PRKDC: variants seen among roughly 807,000 people sequenced by gnomAD.
The protein encoded by PRKDC is protein kinase, DNA-activated, catalytic subunit, also known as DNA-dependent protein kinase catalytic subunit.
Under a neutral mutation model 486.9 loss-of-function variants are expected in PRKDC, and 82 were observed. The observed-to-expected ratio is 0.17, with a 90% CI of 0.14 to 0.20. PRKDC has a LOEUF of 0.20. Ranked by LOEUF, PRKDC falls within the 10% of genes least tolerant of loss-of-function variation. The probability of loss-of-function intolerance (pLI) is 1.00; values close to 1 mark genes in which losing one functional copy is unlikely to be tolerated. For missense variants in PRKDC, 4,504 were observed against 5,038.2 expected, an observed-to-expected ratio of 0.89 and a Z score of 3.21; for synonymous variants, 1,895 against 1,837.0, an observed-to-expected ratio of 1.03 and a Z score of -0.81.
intron 30 of PRKDC, among the ~76,000 whole-genome samples, chr8:47,894,704 T>C (rs1055802030): frequency 6.6e-6 from 1 of 152,194 alleles, no homozygotes; most frequent in Non-Finnish European, 1.5e-5. Context: ...GCCCTACTGA[T>C]CTGGGTGTTC....
chr8:47,881,586 G>T, intron 37 of PRKDC, 66 bp from the exon 38 acceptor site: 1 of 820,870 alleles, frequency 1.2e-6, no homozygotes, highest in Non-Finnish European at 1.9e-6. Flanking sequence ...TTAGCCCATT[G>T]CTCAAATGTT....
intron 33 of PRKDC, 44 bp from the exon 34 acceptor site, chr8:47,888,694 G>T (rs374800764): frequency 1.3e-6 from 2 of 1,513,352 alleles, no homozygotes; most frequent in Non-Finnish European, 1.8e-6. Flanking sequence ...CTCTGATCTC[G>T]TTAAATTATC....
At chr8:47,953,947 G>A (rs1184889202) in intron 5 of PRKDC, 28 bp from the exon 6 acceptor site, 1 of 1,330,640 alleles carries the variant, frequency 7.5e-7, no homozygotes. Context: ...GACAAGTGAA[G>A]GCCTCAAACT....
chr8:47,930,906 C>T (rs2090239611), intron 16 of PRKDC, 119 bp from the exon 17 acceptor site: 3 of 928,724 alleles, frequency 3.2e-6, no homozygotes, highest in Non-Finnish European at 4.8e-6. Context: ...ATTGCAACAG[C>T]GAGAAAGACC....
At chr8:47,956,597 G>C (rs2090705793) in intron 3 of PRKDC, among the ~76,000 whole-genome samples, 1 of 151,606 alleles carries the variant, frequency 6.6e-6, no homozygotes, top group Non-Finnish European at 1.5e-5. Context: ...CAGCAACTTG[G>C]GAGGCTGAGG....
chr8:47,953,046 C>A (rs1011642836), intron 7 of PRKDC, among the ~76,000 whole-genome samples: 5 of 152,014 alleles, frequency 3.3e-5, no homozygotes, highest in African/African-American at 1.2e-4. Context: ...GAGGCTGAGG[C>A]AGGAGAATCA....
At chr8:47,868,560 T>C (rs1347595757) in intron 40 of PRKDC, among the ~76,000 whole-genome samples, 1 of 151,916 alleles carries the variant, frequency 6.6e-6, no homozygotes, top group Non-Finnish European at 1.5e-5. Flanking sequence ...CAAGACCTTA[T>C]CTCAAAAATA....
At chr8:47,810,309 C>T (rs1209445740) in intron 68 of PRKDC, among the ~76,000 whole-genome samples, 5 of 152,120 alleles carry the variant, frequency 3.3e-5, no homozygotes, top group Non-Finnish European at 5.9e-5. Flanking sequence ...ACTCACATAA[C>T]GTTTATTATA....
chr8:47,953,361 A>G (rs529941025), intron 7 of PRKDC, among the ~76,000 whole-genome samples: 13 of 152,174 alleles, frequency 8.5e-5, no homozygotes, highest in Non-Finnish European at 1.6e-4. Context: ...CACATACACA[A>G]ATGTGTGCAC....
At chr8:47,845,669 T>A (rs2088247480) in intron 54 of PRKDC, among the ~76,000 whole-genome samples, 2 of 135,614 alleles carry the variant, frequency 1.5e-5, no homozygotes, top group Non-Finnish European at 3.2e-5. Flanking sequence ...AAATCAATAA[T>A]GAAAAAAACT....
intron 61 of PRKDC, among the ~76,000 whole-genome samples, chr8:47,829,808 T>A (rs965773338): frequency 1.3e-5 from 2 of 152,214 alleles, no homozygotes; most frequent in Non-Finnish European, 2.9e-5. Context: ...ACATTCCATA[T>A]TCACGGATTA....
chr8:47,797,750 G>A (rs1428351371), intron 73 of PRKDC, among the ~76,000 whole-genome samples: 1 of 152,226 alleles, frequency 6.6e-6, no homozygotes, highest in Non-Finnish European at 1.5e-5. Context: ...ATGGAAGGGT[G>A]CGGGTTCCTC....
At chr8:47,857,323 A>G (rs754008963) in intron 48 of PRKDC, 24 bp from the exon 49 acceptor site, 15 of 1,590,834 alleles carry the variant, frequency 9.4e-6, no homozygotes, top group Non-Finnish European at 1.2e-5. Context: ...TAAAAGTCAA[A>G]CATCAAAGAA....
At chr8:47,931,625 T>G (rs1024378711) in intron 16 of PRKDC, among the ~76,000 whole-genome samples, 1 of 152,148 alleles carries the variant, frequency 6.6e-6, no homozygotes, top group Non-Finnish European at 1.5e-5. Flanking sequence ...AAAGCTGATG[T>G]GACCACCGGC....
chr8:47,828,028 T>G, intron 62 of PRKDC, 140 bp downstream of exon 62: 1 of 685,738 alleles, frequency 1.5e-6, no homozygotes. Context: ...ATTTGGGAAG[T>G]GGTAACCCAA....
intron 10 of PRKDC, among the ~76,000 whole-genome samples, chr8:47,942,211 T>C (rs2090456319): frequency 6.6e-6 from 1 of 152,250 alleles, no homozygotes; most frequent in Non-Finnish European, 1.5e-5. Context: ...ATAATTCCTC[T>C]GATTTTTATT....
At position 47,826,875 on chromosome 8, in the gene PRKDC, C is replaced by T. The variant is rs773775458; in HGVS notation, c.8578-14G>A. On this transcript the variant is annotated splice_polypyrimidine_tract_variant and intron_variant, in intron 62 of 85. Coordinates refer to ENST00000314191, the MANE Select transcript of PRKDC (RefSeq NM_006904.7). ...ACAGCTAATGTCCTGTGAAACCACA[C>T]ATACAACCAGCTGTTTAGCTTGTGG... The T allele has an allele frequency of 6.4e-7, 1 of 1,557,254 alleles. No individual in the cohort carries two copies. Among genetic ancestry groups the T allele is most frequent in the South Asian group, 1.2e-5 (1 of 85,828 alleles).
At chr8:47,950,964 G>C (rs1027632023) in intron 7 of PRKDC, among the ~76,000 whole-genome samples, 1 of 152,106 alleles carries the variant, frequency 6.6e-6, no homozygotes, top group Admixed American at 6.5e-5. Context: ...TTTGCCTGGG[G>C]AGACCCCATC....
intron 73 of PRKDC, among the ~76,000 whole-genome samples, chr8:47,796,688 C>T (rs2086992242): frequency 6.6e-6 from 1 of 151,972 alleles, no homozygotes; most frequent in South Asian, 2.1e-4. Context: ...CAACCTCCAC[C>T]TCCTGGGTTC....
Sources: gnomAD v4.1 joint callset for allele counts (sites outside exome capture counted in the v4.1 genomes callset) on GRCh38, gnomAD v4.1.1 for gene constraint, MANE v1.5 for transcripts, NCBI Gene and HGNC (gene_info 2026-07-23, HGNC 2026-07-21) for gene names.